Variants in THSD4 observed in about 807,000 individuals in gnomAD.
The protein encoded by THSD4 is thrombospondin type 1 domain containing 4.
THSD4 carries 69 observed loss-of-function variants against 119.0 expected under a neutral mutation model. That is an observed-to-expected ratio of 0.58 (90% CI 0.48 to 0.71). The LOEUF is 0.71. Among genes scored for constraint, THSD4 ranks in the 30% least tolerant of loss-of-function variants. The pLI, the probability that THSD4 is intolerant of heterozygous loss-of-function variation, is 0.00. For missense variants in THSD4, 1,393 were observed against 1,391.1 expected, an observed-to-expected ratio of 1.00 and a Z score of -0.02; for synonymous variants, 524 against 540.4, an observed-to-expected ratio of 0.97 and a Z score of 0.42.
chr15:71,287,208 T>C (rs1470419605), intron 6 of THSD4, among the ~76,000 whole-genome samples: 1 of 152,036 alleles, frequency 6.6e-6, no homozygotes, highest in Admixed American at 6.6e-5. Context: ...AGTACAGGAG[T>C]AGACTTTTGG....
At chr15:71,680,022 T>C (rs1289887060) in intron 8 of THSD4, among the ~76,000 whole-genome samples, 5 of 152,182 alleles carry the variant, frequency 3.3e-5, no homozygotes, top group Non-Finnish European at 7.3e-5. Context: ...CACACCACAG[T>C]ATTGCTACAT....
intron 6 of THSD4, among the ~76,000 whole-genome samples, chr15:71,338,781 A>G (rs763906493): frequency 2.0e-5 from 3 of 152,138 alleles, no homozygotes; most frequent in Admixed American, 2.0e-4. Context: ...GAAATGGGAC[A>G]AGGGAGAAAA....
Position 71,757,890 on chromosome 15 carries a change from C to A in THSD4, c.2416-12C>A, listed in dbSNP as rs2053569569. On this transcript the variant is annotated splice_polypyrimidine_tract_variant and intron_variant, in intron 14 of 17. Coordinates refer to ENST00000261862, the MANE Select transcript of THSD4 (RefSeq NM_024817.3). ...GGCCTCCTGACTAATGTGCCCTTCC[C>A]CTGTCTCACAGTGCTCAGCGGAGTG... The A allele has an allele frequency of 6.2e-7, 1 of 1,612,808 alleles. No homozygotes were observed. Among genetic ancestry groups the A allele is most frequent in the East Asian group, 2.2e-5 (1 of 44,874 alleles).
intron 6 of THSD4, among the ~76,000 whole-genome samples, chr15:71,281,915 C>T (rs932873991): frequency 1.3e-5 from 2 of 152,190 alleles, no homozygotes; most frequent in African/African-American, 4.8e-5. Context: ...GGCTTTGGCT[C>T]ATGTAGTATA....
chr15:71,364,347 T>C (rs1402025952), intron 6 of THSD4, among the ~76,000 whole-genome samples: 1 of 152,274 alleles, frequency 6.6e-6, no homozygotes, highest in African/African-American at 2.4e-5. Context: ...TTGTATCAAA[T>C]GAGAAGGCAC....
At chr15:71,357,427 G>A (rs2045832356) in intron 6 of THSD4, among the ~76,000 whole-genome samples, 1 of 152,210 alleles carries the variant, frequency 6.6e-6, no homozygotes. Flanking sequence ...TCTGCAGTGT[G>A]TATTTCAGCA....
At chr15:71,487,232 G>C (rs1271247095) in intron 7 of THSD4, among the ~76,000 whole-genome samples, 1 of 152,184 alleles carries the variant, frequency 6.6e-6, no homozygotes, top group Non-Finnish European at 1.5e-5. Context: ...GTGTACATGT[G>C]TATTCTATCC....
intron 6 of THSD4, among the ~76,000 whole-genome samples, chr15:71,265,128 G>C (rs1170547890): frequency 6.6e-6 from 1 of 152,024 alleles, no homozygotes; most frequent in Non-Finnish European, 1.5e-5. Flanking sequence ...AAGGACACCA[G>C]TGTTCCTAGT....
intron 7 of THSD4, among the ~76,000 whole-genome samples, chr15:71,529,651 T>A (rs999650015): frequency 1.3e-5 from 2 of 152,048 alleles, no homozygotes; most frequent in Non-Finnish European, 2.9e-5. Context: ...ATAAAAGTAA[T>A]TTTTTTTCTA....
intron 7 of THSD4, among the ~76,000 whole-genome samples, chr15:71,412,688 G>A (rs2046705955): frequency 6.6e-6 from 1 of 152,090 alleles, no homozygotes; most frequent in Admixed American, 6.5e-5. Context: ...ACTTGCTACA[G>A]TGTTTAATAT....
chr15:71,632,441 C>G (rs575641792), intron 7 of THSD4, among the ~76,000 whole-genome samples: 50 of 152,208 alleles, frequency 3.3e-4, no homozygotes, highest in Non-Finnish European at 6.6e-4. Context: ...TGTTTGCAAC[C>G]AACAGGCTGA....
chr15:71,147,598 T>C (rs1276731929), intron 2 of THSD4: 2 of 152,212 alleles, frequency 1.3e-5, no homozygotes, highest in Non-Finnish European at 2.9e-5. Context: ...GCTGCAAAGG[T>C]GTATCAGAAA....
At chr15:71,171,693 TA>T (rs1221366160) in intron 3 of THSD4, among the ~76,000 whole-genome samples, 2 of 152,242 alleles carry the variant, frequency 1.3e-5, no homozygotes, top group African/African-American at 4.8e-5. Flanking sequence ...TTGTAGGGTT[TA>T]TAATATGTGT....
intron 15 of THSD4, among the ~76,000 whole-genome samples, chr15:71,760,737 TG>T (rs1307457110): frequency 2.0e-5 from 3 of 152,216 alleles, no homozygotes; most frequent in Non-Finnish European, 4.4e-5. Flanking sequence ...CGCGAATCAG[TG>T]ATCCACAAAA....
intron 3 of THSD4, among the ~76,000 whole-genome samples, chr15:71,191,901 C>CT (rs1232088185): frequency 2.2e-4 from 14 of 65,064 alleles, no homozygotes; most frequent in Non-Finnish European, 6.0e-4. Flanking sequence ...TCTTCTTCTT[C>CT]TTCTTTTTTT....
chr15:71,547,467 A>G lies in THSD4; in HGVS notation c.1153-113063A>G, dbSNP rs776181766. 2.6e-6 allele frequency: 4 copies of G among 1,550,360 alleles called. No individual in the cohort carries two copies. The Admixed American group carries it at 7.8e-5, about 30-fold the overall frequency. Reference sequence around the variant, plus strand: ...CCACGTTCAAACAGCAGTGTTAGCAAGACCTGGGGGAGAGGTAAGCCAAAT... The same window carrying G: ...CCACGTTCAAACAGCAGTGTTAGCAGGACCTGGGGGAGAGGTAAGCCAAAT... On this transcript the variant is annotated intron_variant, in intron 7 of 17. Transcript: ENST00000261862.
Position 71,191,342 on chromosome 15 carries a change from G to A in THSD4, c.100-23693G>A, listed in dbSNP as rs149414689. Among the ~76,000 whole-genome samples the A allele has an allele frequency of 2.6e-3, 391 of 152,110 alleles. 3 individuals are homozygous for A. Among genetic ancestry groups the A allele is most frequent in the African/African-American group, 9.1e-3 (379 of 41,492 alleles). ...TCTGGACTCCCCTATTTTTCTTCTG[G>A]GCACCAGTGTTTATGCTGATCTCCT... On this transcript the variant is annotated intron_variant, in intron 3 of 17. Transcript: ENST00000261862.
chr15:71,327,194 C>T lies in THSD4; in HGVS notation c.1015+70479C>T, dbSNP rs531083295. Among the ~76,000 whole-genome samples the T allele has an allele frequency of 2.6e-5, 4 of 152,138 alleles. No homozygotes were observed. In the East Asian group the frequency reaches 7.7e-4, roughly 29 times the overall value. The stretch of plus-strand genomic sequence containing the variant: ...AAACAAAACAAAAAACCAGCTCAAA[C>T]ACTCCAATAGACCACTTCATTCCAT... On this transcript the variant is annotated intron_variant, in intron 6 of 17. Transcript: ENST00000261862.
In THSD4 at chr15:71,269,005, C is replaced by T. The variant is rs182143171; in HGVS notation, c.1015+12290C>T. On this transcript the variant is annotated intron_variant, in intron 6 of 17. Transcript: ENST00000261862. ...CAACCAAAAAAAGCCCAGGACCATA[C>T]GGATTCACAGGCAAATTCTACCAGA... Among the ~76,000 whole-genome samples the T allele has an allele frequency of 8.9e-4, 136 of 152,222 alleles. 1 individual carries two copies. In the East Asian group the frequency reaches 0.021, roughly 23 times the overall value.
Sources: allele counts gnomAD v4.1 joint callset (sites outside exome capture counted in the v4.1 genomes callset), GRCh38; gene constraint gnomAD v4.1.1; transcripts MANE v1.5; gene names NCBI Gene and HGNC (gene_info 2026-07-23, HGNC 2026-07-21).